Variants in RBPMS observed in about 807,000 individuals in gnomAD.
RBPMS encodes the protein RNA-binding protein with multiple splicing.
A neutral mutation model predicts 26.8 loss-of-function variants in RBPMS; 7 were observed. The ratio of observed to expected loss-of-function variants is 0.26; its 90% confidence interval spans 0.15 to 0.49. The LOEUF (loss-of-function observed/expected upper bound fraction) is 0.49. Among genes scored for constraint, RBPMS ranks in the 20% least tolerant of loss-of-function variants. The pLI is 0.98. For synonymous variants in RBPMS, 96 were observed against 93.3 expected, an observed-to-expected ratio of 1.03 and a Z score of -0.17; for missense variants, 186 against 250.0, an observed-to-expected ratio of 0.74 and a Z score of 1.73.
chr8:30,533,063 T>C (rs896683377), intron 5 of RBPMS, among the ~76,000 whole-genome samples: 1 of 152,246 alleles, frequency 6.6e-6, no homozygotes, highest in East Asian at 1.9e-4. Context: ...AGAGTAGCCC[T>C]GACCAAATTG....
At chr8:30,393,079 G>T (rs543726849) in intron 1 of RBPMS, among the ~76,000 whole-genome samples, 1 of 152,034 alleles carries the variant, frequency 6.6e-6, no homozygotes, top group East Asian at 1.9e-4. Flanking sequence ...GAAGGGGAGA[G>T]AATTGAAAAT....
intron 6 of RBPMS, chr8:30,553,645 C>A (rs547578773): frequency 6.6e-6 from 1 of 152,386 alleles, no homozygotes; most frequent in Non-Finnish European, 1.5e-5. Flanking sequence ...CAGCGAACTT[C>A]AGCGCTCCAT....
At chr8:30,525,382 A>T (rs1339677592) in intron 5 of RBPMS, among the ~76,000 whole-genome samples, 2 of 152,290 alleles carry the variant, frequency 1.3e-5, no homozygotes, top group South Asian at 4.2e-4. Context: ...CTCCGCAATA[A>T]AAAGAATCTA....
At chr8:30,450,196 G>A (rs1814395598) in intron 1 of RBPMS, among the ~76,000 whole-genome samples, 1 of 152,190 alleles carries the variant, frequency 6.6e-6, no homozygotes, top group Admixed American at 6.5e-5. Flanking sequence ...AAATCAACGA[G>A]CATAGTAACT....
chr8:30,471,095 T>C (rs993922816), intron 1 of RBPMS, among the ~76,000 whole-genome samples: 2 of 152,090 alleles, frequency 1.3e-5, no homozygotes, highest in Non-Finnish European at 2.9e-5. Flanking sequence ...AGATGGAAAA[T>C]ACAAATAAGC....
At chr8:30,551,591 C>T (rs1422112075) in intron 6 of RBPMS, among the ~76,000 whole-genome samples, 3 of 152,194 alleles carry the variant, frequency 2.0e-5, no homozygotes, top group African/African-American at 4.8e-5. Flanking sequence ...CCAGATCCTA[C>T]GCGCCTTCTC....
chr8:30,440,968 G>T (rs945167555), intron 1 of RBPMS, among the ~76,000 whole-genome samples: 1 of 141,646 alleles, frequency 7.1e-6, no homozygotes, highest in Non-Finnish European at 1.5e-5. Flanking sequence ...CCCCCGCCCC[G>T]CCCCCCTCCA....
intron 5 of RBPMS, among the ~76,000 whole-genome samples, chr8:30,533,236 G>GA (rs1325056990): frequency 1.5e-4 from 23 of 152,166 alleles, no homozygotes; most frequent in African/African-American, 5.3e-4. Flanking sequence ...TGCGATCATG[G>GA]AGTATGCAGG....
rs370698834 is a variant in RBPMS, at chr8:30,425,440, G to A, written c.66+40282G>A. On this transcript the variant is annotated intron_variant, in intron 1 of 8. Coordinates refer to ENST00000397323, the MANE Select transcript of RBPMS (RefSeq NM_001008710.3). ...TTTGAAATGGAGTTTCGCTCTTGTT[G>A]CCCAGGCTGGAGTGCAATGGCCTGA... is the stretch of plus-strand genomic sequence containing the variant. Among the ~76,000 whole-genome samples the A allele has an allele frequency of 1.7e-4, 25 of 151,452 alleles. No individual in the cohort carries two copies. In the East Asian group the frequency reaches 2.0e-3, roughly 12 times the overall value.
chr8:30,554,781 A>G (rs538324913), intron 6 of RBPMS, among the ~76,000 whole-genome samples: 1 of 152,190 alleles, frequency 6.6e-6, no homozygotes. Flanking sequence ...CAGTCCAACC[A>G]GAGAGTATTT....
rs77825903 is a variant in RBPMS, at chr8:30,447,799, A to G, written c.67-26980A>G. Among the ~76,000 whole-genome samples, 56 of 152,306 alleles carry G rather than the reference A, an allele frequency of 3.7e-4. No homozygotes were observed. The East Asian group carries it at 0.01, about 27-fold the overall frequency. ...AACTTAGCAATGAATCTTAGACTTT[A>G]TATCAGTAATGGAGATCTAACTCAT... On this transcript the variant is annotated intron_variant, in intron 1 of 8. Transcript: ENST00000397323.
At chr8:30,501,749 C>T (rs1820580871) in intron 4 of RBPMS, among the ~76,000 whole-genome samples, 1 of 152,180 alleles carries the variant, frequency 6.6e-6, no homozygotes. Context: ...TTGAAAGACA[C>T]AGGTTCACCC....
At chr8:30,426,720 C>A (rs892158331) in intron 1 of RBPMS, among the ~76,000 whole-genome samples, 1 of 143,906 alleles carries the variant, frequency 6.9e-6, no homozygotes. Flanking sequence ...TGGGGTTTCT[C>A]CAGGTGGTAG....
intron 4 of RBPMS, among the ~76,000 whole-genome samples, chr8:30,491,565 C>T (rs1819396642): frequency 6.6e-6 from 1 of 152,112 alleles, no homozygotes; most frequent in South Asian, 2.1e-4. Context: ...CGGTCTATGT[C>T]TGATCTTTAA....
At chr8:30,448,026 C>A (rs1042615408) in intron 1 of RBPMS, among the ~76,000 whole-genome samples, 1 of 152,140 alleles carries the variant, frequency 6.6e-6, no homozygotes, top group Non-Finnish European at 1.5e-5. Flanking sequence ...CCTAAATTTC[C>A]TCTGTGAGAA....
At chr8:30,438,327 T>C (rs182467640) in intron 1 of RBPMS, among the ~76,000 whole-genome samples, 109 of 152,330 alleles carry the variant, frequency 7.2e-4, no homozygotes, top group Non-Finnish European at 2.1e-4. Flanking sequence ...CAAGTGGATT[T>C]TTCCCTTCTG....
At chr8:30,486,590 G>A (rs1170291677) in intron 4 of RBPMS, among the ~76,000 whole-genome samples, 1 of 151,914 alleles carries the variant, frequency 6.6e-6, no homozygotes, top group Non-Finnish European at 1.5e-5. Context: ...CTGCGATCAC[G>A]CCATTGCACT....
intron 6 of RBPMS, among the ~76,000 whole-genome samples, chr8:30,557,020 T>C (rs1407884934): frequency 3.9e-5 from 6 of 152,202 alleles, no homozygotes; most frequent in African/African-American, 1.4e-4. Flanking sequence ...GTGTTGGGAG[T>C]GACCCCAGCC....
At chr8:30,430,885 T>A (rs1258551618) in intron 1 of RBPMS, among the ~76,000 whole-genome samples, 1 of 152,216 alleles carries the variant, frequency 6.6e-6, no homozygotes, top group African/African-American at 2.4e-5. Flanking sequence ...GTAGGCACTA[T>A]CCAAGTTGCT....
Sources: gnomAD v4.1 joint callset for allele counts (sites outside exome capture counted in the v4.1 genomes callset) on GRCh38, gnomAD v4.1.1 for gene constraint, MANE v1.5 for transcripts, NCBI Gene and HGNC (gene_info 2026-07-23, HGNC 2026-07-21) for gene names.